FMO5: variants seen among roughly 807,000 people sequenced by gnomAD.
The protein encoded by FMO5 is flavin-containing monooxygenase 5.
A neutral mutation model predicts 43.6 loss-of-function variants in FMO5; 51 were observed. The observed-to-expected ratio is 1.17, with a 90% CI of 0.93 to 1.48. The LOEUF (loss-of-function observed/expected upper bound fraction) is 1.48. Among genes scored for constraint, FMO5 ranks in the 40% most tolerant of loss-of-function variants. FMO5 has a pLI of 0.00. For missense variants in FMO5, 644 were observed against 643.0 expected (o/e 1.00, Z -0.02); for synonymous variants, 187 against 216.5 (o/e 0.86, Z 1.20).
chr1:147,224,029 C>A, intron 2 of FMO5: 1 of 417,792 alleles, frequency 2.4e-6, no homozygotes, highest in Non-Finnish European at 4.8e-6. Flanking sequence ...TGATTGCACA[C>A]GATGCGGATC....
intron 7 of FMO5, among the ~76,000 whole-genome samples, chr1:147,198,025 A>G (rs1408831568): frequency 6.6e-6 from 1 of 152,184 alleles, no homozygotes; most frequent in Non-Finnish European, 1.5e-5. Flanking sequence ...GTCTGCTGTC[A>G]GCCTAAAGCA....
chr1:147,199,859 G>A (rs1399154884), intron 7 of FMO5, among the ~76,000 whole-genome samples: 1 of 152,072 alleles, frequency 6.6e-6, no homozygotes, highest in Non-Finnish European at 1.5e-5. Context: ...CAACTGTGAA[G>A]ATTTTCACTA....
In FMO5 at chr1:147,187,101, G is replaced by T; in HGVS notation, c.1401C>A (p.Pro467=). Residue 467 remains proline, a synonymous_variant, in exon 9 of 9, where the codon CCC becomes CCA. Coordinates refer to ENST00000254090, the MANE Select transcript of FMO5 (RefSeq NM_001461.4). ...PKLALHLLLG[P]CTPIHYRVQG... Reference sequence around the variant, plus strand: ...GTACACGATAGTGGATTGGAGTGCAGGGTCCCAGTAATAAGTGTAATGCCA... The same window carrying T: ...GTACACGATAGTGGATTGGAGTGCATGGTCCCAGTAATAAGTGTAATGCCA... 1 of 1,614,106 alleles carries T rather than the reference G, an allele frequency of 6.2e-7. No homozygotes were observed. Among genetic ancestry groups the T allele is most frequent in the Admixed American group, 1.7e-5 (1 of 60,014 alleles).
At chr1:147,197,684 TC>T (rs1295276697) in intron 7 of FMO5, among the ~76,000 whole-genome samples, 1 of 152,136 alleles carries the variant, frequency 6.6e-6, no homozygotes, top group Non-Finnish European at 1.5e-5. Context: ...TCCTGAGGCC[TC>T]CCCAGCCATG....
chr1:147,222,581 TA>T (rs1663238474), intron 2 of FMO5, among the ~76,000 whole-genome samples: 1 of 152,136 alleles, frequency 6.6e-6, no homozygotes, highest in Non-Finnish European at 1.5e-5. Context: ...TGGGGAGCTT[TA>T]AAAAATGGAG....
chr1:147,223,987 C>T (rs915133062), intron 2 of FMO5: 3 of 420,168 alleles, frequency 7.1e-6, no homozygotes, highest in Non-Finnish European at 1.4e-5. Flanking sequence ...CAATCACCAC[C>T]TTGGTGGAGA....
Position 147,204,319 on chromosome 1 carries a change from C to G in FMO5, c.831-2815G>C, listed in dbSNP as rs151201708. On this transcript the variant is annotated intron_variant, in intron 6 of 8. Coordinates refer to ENST00000254090, the MANE Select transcript of FMO5 (RefSeq NM_001461.4). Reference sequence around the variant, plus strand: ...AGTGATACCACAGCCCAGAATTTTACAAACTCTGATGTTATCAACTTTGAA... The same window carrying G: ...AGTGATACCACAGCCCAGAATTTTAGAAACTCTGATGTTATCAACTTTGAA... The G allele has an allele frequency of 1.4e-3, 1,316 of 963,410 alleles. 17 individuals are homozygous for G. The highest frequency in any genetic ancestry group is 1.1e-4 in the Non-Finnish European group (66 of 585,116). The allele number at this position is 963,410 out of a possible 1,614,324, so 59.7% of individuals were successfully genotyped here.
At chr1:147,224,809 C>G in intron 2 of FMO5, 86 bp downstream of exon 2, 1 of 1,386,986 alleles carries the variant, frequency 7.2e-7, no homozygotes, top group Non-Finnish European at 1.0e-6. Flanking sequence ...CCGCGCCCGG[C>G]CACCTGACAC....
At chr1:147,208,731 G>A in intron 6 of FMO5, 121 bp downstream of exon 6, 1 of 777,332 alleles carries the variant, frequency 1.3e-6, no homozygotes, top group East Asian at 2.6e-5. Flanking sequence ...GAGCCACCAT[G>A]CCCAGCCACT....
At chr1:147,191,942 C>T (rs1284992197) in intron 7 of FMO5, among the ~76,000 whole-genome samples, 5 of 151,922 alleles carry the variant, frequency 3.3e-5, no homozygotes, top group African/African-American at 4.8e-5. Flanking sequence ...AGTCAGGTAG[C>T]GTGATGCCTC....
chr1:147,224,756 C>T (rs986005419), intron 2 of FMO5, 139 bp downstream of exon 2: 5 of 727,162 alleles, frequency 6.9e-6, no homozygotes, highest in African/African-American at 5.3e-5. Flanking sequence ...GTGATCCGCC[C>T]GCCTCGGCCT....
intron 6 of FMO5, chr1:147,204,490 C>T (rs1043747980): frequency 8.5e-6 from 13 of 1,533,266 alleles, no homozygotes; most frequent in East Asian, 2.2e-5. Context: ...TGCAGAACAA[C>T]GTACCAAATT....
chr1:147,191,324 T>C (rs1449225953), intron 7 of FMO5, among the ~76,000 whole-genome samples: 1 of 152,128 alleles, frequency 6.6e-6, no homozygotes, highest in Non-Finnish European at 1.5e-5. Context: ...TTCCTATTTC[T>C]CCACATCCTC....
chr1:147,188,322 G>A (rs1041137803), intron 8 of FMO5, among the ~76,000 whole-genome samples: 2 of 151,874 alleles, frequency 1.3e-5, no homozygotes, highest in Non-Finnish European at 2.9e-5. Context: ...TCAGGAGTTC[G>A]AGATCAGCCT....
downstream of FMO5, chr1:147,184,350 TG>T: frequency 1.1e-6 from 1 of 873,234 alleles, no homozygotes; most frequent in Non-Finnish European, 1.6e-6. This position sits in a 1 kb window ranked among gnomAD's most constrained non-coding sequence, Gnocchi z 4.4. Flanking sequence ...TACATTCCTC[TG>T]GTACATTTGT....
At chr1:147,184,601 G>C, downstream of FMO5, 1 of 1,547,784 alleles carries the variant, frequency 6.5e-7, no homozygotes, top group Non-Finnish European at 8.7e-7. This position sits in a 1 kb window ranked among gnomAD's most constrained non-coding sequence, Gnocchi z 4.4. Flanking sequence ...CTTCAACTTG[G>C]GTTTGTCTGA....
At chr1:147,224,512 T>C (rs1187403467) in intron 2 of FMO5, among the ~76,000 whole-genome samples, 2 of 152,130 alleles carry the variant, frequency 1.3e-5, no homozygotes, top group Non-Finnish European at 2.9e-5. Flanking sequence ...ACTATCTTTT[T>C]TTAATTTTTT....
chr1:147,193,109 G>C (rs1234263994), intron 7 of FMO5, among the ~76,000 whole-genome samples: 1 of 152,094 alleles, frequency 6.6e-6, no homozygotes, highest in African/African-American at 2.4e-5. Context: ...TGTACCTCTG[G>C]TAGAATTCGG....
chr1:147,209,773 A>G (rs1476167770), intron 5 of FMO5: 1 of 152,264 alleles, frequency 6.6e-6, no homozygotes, highest in Non-Finnish European at 1.5e-5. Context: ...TTTCTCTAGC[A>G]CTTATCACCT....
Sources: gnomAD v4.1 joint callset for allele counts (sites outside exome capture counted in the v4.1 genomes callset) on GRCh38, gnomAD v4.1.1 for gene constraint, Gnocchi (gnomAD v3.1) non-coding constraint, MANE v1.5 for transcripts, NCBI Gene and HGNC (gene_info 2026-07-23, HGNC 2026-07-21) for gene names.